AUTS2: variants seen among roughly 807,000 people sequenced by gnomAD.
AUTS2 encodes activator of transcription and developmental regulator AUTS2, also known as autism susceptibility gene 2 protein.
Under a neutral mutation model 112.4 loss-of-function variants are expected in AUTS2, and 17 were observed. The ratio of observed to expected loss-of-function variants is 0.15; its 90% CI spans 0.10 to 0.23. The LOEUF (loss-of-function observed/expected upper bound fraction) is 0.23, where lower values mean the gene tolerates loss of function less well. AUTS2 is among the 10% of genes least tolerant of loss of function. AUTS2 has a pLI of 1.00. For synonymous variants in AUTS2, 751 were observed against 702.7 expected (o/e 1.07, Z -1.09); for missense variants, 1,510 against 1,701.6 (o/e 0.89, Z 1.98).
intron 4 of AUTS2, among the ~76,000 whole-genome samples, chr7:70,217,872 T>G (rs1438164379): frequency 1.3e-5 from 2 of 152,236 alleles, no homozygotes; most frequent in African/African-American, 4.8e-5. Flanking sequence ...TGATTTTTTG[T>G]AAGAGGTTGG....
intron 4 of AUTS2, among the ~76,000 whole-genome samples, chr7:70,222,888 C>CT (rs200649101): frequency 0.093 from 12,076 of 130,082 alleles, 752 homozygotes; most frequent in African/African-American, 0.16. Context: ...TGGAAATTTG[C>CT]TTTTTTTTTT....
chr7:70,382,577 G>A (rs1793419534), intron 4 of AUTS2, among the ~76,000 whole-genome samples: 1 of 152,162 alleles, frequency 6.6e-6, no homozygotes, highest in African/African-American at 2.4e-5. Context: ...ACCTACTCCA[G>A]CTGAAGTGGA....
intron 1 of AUTS2, among the ~76,000 whole-genome samples, chr7:69,748,733 A>G (rs1365389837): frequency 6.6e-6 from 1 of 152,186 alleles, no homozygotes. Flanking sequence ...GCAACACTGT[A>G]TGTAGTGACT....
Position 70,543,578 on chromosome 7 carries a change from G to A in AUTS2, c.690+107797G>A, listed in dbSNP as rs1254491408. Among the ~76,000 whole-genome samples the A allele has an allele frequency of 2.0e-5, 3 of 151,548 alleles. No individual in the cohort carries two copies. The East Asian group carries it at 5.8e-4, about 29-fold the overall frequency. On this transcript the variant is annotated intron_variant, in intron 5 of 18. Coordinates refer to ENST00000342771, the MANE Select transcript of AUTS2 (RefSeq NM_015570.4). Reference sequence around the variant, plus strand: ...AAAATGCCAAGCTAGCAGAGAGAGGGACTCAGACACACACACCTAAGTTGT... The same window carrying A: ...AAAATGCCAAGCTAGCAGAGAGAGGAACTCAGACACACACACCTAAGTTGT...
chr7:70,414,072 G>A (rs1295259641), intron 4 of AUTS2, among the ~76,000 whole-genome samples: 3 of 152,164 alleles, frequency 2.0e-5, no homozygotes, highest in African/African-American at 7.2e-5. Context: ...AAGGAGCTGC[G>A]TAACATTTCT....
chr7:70,462,440 G>A (rs903936599), intron 5 of AUTS2, among the ~76,000 whole-genome samples: 18 of 152,134 alleles, frequency 1.2e-4, no homozygotes, highest in Middle Eastern at 3.4e-3. Context: ...GGGTATATAG[G>A]TATTCACTCT....
chr7:70,450,328 T>C (rs536232612), intron 5 of AUTS2, among the ~76,000 whole-genome samples: 21 of 152,240 alleles, frequency 1.4e-4, no homozygotes, highest in African/African-American at 5.1e-4. Context: ...TGGCATGATG[T>C]CTGAATGCAA....
chr7:70,624,876 A>G (rs1804855970), intron 5 of AUTS2, among the ~76,000 whole-genome samples: 1 of 152,180 alleles, frequency 6.6e-6, no homozygotes, highest in South Asian at 2.1e-4. Context: ...CCATCTGCAC[A>G]TGGCACTGTG....
intron 2 of AUTS2, among the ~76,000 whole-genome samples, chr7:70,036,570 T>G (rs1023210966): frequency 4.6e-5 from 7 of 152,322 alleles, no homozygotes; most frequent in African/African-American, 1.7e-4. Context: ...TCTAGCTGCT[T>G]CTTCACTGCA....
At chr7:70,721,279 C>CGTGTGTGTGTGTGTGTGTGTGT (rs55885084) in intron 6 of AUTS2, among the ~76,000 whole-genome samples, 14 of 140,052 alleles carry the variant, frequency 1.0e-4, no homozygotes, top group South Asian at 2.4e-4. Context: ...GAATTTCATT[C>CGTGTGTGTGTGTGTGTGTGTGT]GTGTGTGTGT....
intron 1 of AUTS2, among the ~76,000 whole-genome samples, chr7:69,702,476 A>G (rs1159573191): frequency 6.6e-6 from 1 of 152,166 alleles, no homozygotes; most frequent in Non-Finnish European, 1.5e-5. Flanking sequence ...CAGGATACTT[A>G]GTATATATAT....
chr7:70,746,221 G>A (rs1788443155), intron 6 of AUTS2, among the ~76,000 whole-genome samples: 3 of 152,142 alleles, frequency 2.0e-5, no homozygotes, highest in East Asian at 1.9e-4. Context: ...ATCTCAGCTC[G>A]CTGCCACTTC....
At chr7:69,912,013 A>G (rs1169521849) in intron 2 of AUTS2, among the ~76,000 whole-genome samples, 2 of 152,162 alleles carry the variant, frequency 1.3e-5, no homozygotes, top group Non-Finnish European at 2.9e-5. Context: ...GGACACCTGT[A>G]GGCCCACGCT....
At chr7:69,634,181 G>T (rs1041498086) in intron 1 of AUTS2, among the ~76,000 whole-genome samples, 6 of 151,174 alleles carry the variant, frequency 4.0e-5, no homozygotes, top group African/African-American at 9.7e-5. Context: ...GTGCAGTGGC[G>T]CAATCTCGGC....
chr7:70,240,784 T>C (rs1812569914), intron 4 of AUTS2, among the ~76,000 whole-genome samples: 1 of 152,240 alleles, frequency 6.6e-6, no homozygotes, highest in South Asian at 2.1e-4. Context: ...AGTTTTCTTT[T>C]AGTTTAAGCC....
intron 1 of AUTS2, among the ~76,000 whole-genome samples, chr7:69,667,854 A>G (rs1424704319): frequency 1.3e-5 from 2 of 152,140 alleles, no homozygotes. Flanking sequence ...CCATCTCTCT[A>G]CAGCCTCACT....
intron 4 of AUTS2, among the ~76,000 whole-genome samples, chr7:70,337,752 A>G (rs1482183517): frequency 1.3e-5 from 2 of 152,142 alleles, no homozygotes; most frequent in Non-Finnish European, 2.9e-5. Context: ...CTCTGCACAC[A>G]TGTGTGTTCA....
At chr7:70,033,611 T>C (rs1383771349) in intron 2 of AUTS2, among the ~76,000 whole-genome samples, 3 of 152,158 alleles carry the variant, frequency 2.0e-5, no homozygotes, top group African/African-American at 7.2e-5. Context: ...GGAGAGAATG[T>C]TGAAACCTGT....
chr7:70,423,704 T>C (rs1795315524), intron 4 of AUTS2, among the ~76,000 whole-genome samples: 1 of 152,208 alleles, frequency 6.6e-6, no homozygotes, highest in African/African-American at 2.4e-5. Context: ...TCCTTTTTGG[T>C]TTTTTATCAG....
Sources: gnomAD v4.1 joint callset for allele counts (sites outside exome capture counted in the v4.1 genomes callset) on GRCh38, gnomAD v4.1.1 for gene constraint, MANE v1.5 for transcripts, NCBI Gene and HGNC (gene_info 2026-07-23, HGNC 2026-07-21) for gene names.